The following SIM1 variants were observed in gnomAD, a reference collection of about 807,000 sequenced individuals.
SIM1 encodes the protein single-minded homolog 1.
Under a neutral mutation model 78.2 loss-of-function variants are expected in SIM1, and 18 were observed. The ratio of observed to expected loss-of-function variants is 0.23; its 90% CI spans 0.16 to 0.34. The LOEUF (loss-of-function observed/expected upper bound fraction) is 0.34. SIM1 is among the 10% of genes least tolerant of loss of function. The probability of loss-of-function intolerance (pLI) is 1.00; values close to 1 mark genes in which losing one functional copy is unlikely to be tolerated. For synonymous variants in SIM1, 417 were observed against 385.2 expected (o/e 1.08, Z -0.97); for missense variants, 939 against 975.1 (o/e 0.96, Z 0.49).
chr6:100,458,478 A>G (rs1408932395), intron 2 of SIM1, among the ~76,000 whole-genome samples: 2 of 152,150 alleles, frequency 1.3e-5, no homozygotes, highest in East Asian at 1.9e-4. Flanking sequence ...TAAGGTTTAG[A>G]CGACTGCTTG....
chr6:100,453,115 A>G (rs1047392963), intron 3 of SIM1, among the ~76,000 whole-genome samples: 2 of 152,230 alleles, frequency 1.3e-5, no homozygotes, highest in Non-Finnish European at 2.9e-5. Context: ...TAAGTAGGCA[A>G]AGAGCAAGTT....
At position 100,390,522 on chromosome 6, in the gene SIM1, T is replaced by C. The variant is rs757139012; in HGVS notation, c.2140A>G (p.Thr714Ala). The change falls in exon 12 of 12, where the codon ACT (threonine) becomes GCT (alanine). Residue 714 changes from threonine to alanine, a missense_variant. By Grantham distance (58) the Thr-to-Ala change is moderately conservative. This residue lies in a region of SIM1 where 556 missense variants were observed against 521.9 expected (regional missense o/e 1.07). Transcript: ENST00000369208. ...TATAAGTGCTCCAGGGCATATCCAG[T>C]TAATGTGTAAGCATGCTTGTCAAAA... ...QYFDKHAYTL[T>A]GYALEHLYDS... is the part of the protein sequence containing the mutation. 12 of 1,613,986 alleles carry C rather than the reference T, an allele frequency of 7.4e-6. No individual in the cohort carries two copies. The highest frequency in any genetic ancestry group is 1.0e-5 in the Non-Finnish European group (12 of 1,180,004).
chr6:100,415,543 T>G (rs1032329121), intron 10 of SIM1, among the ~76,000 whole-genome samples: 2 of 152,194 alleles, frequency 1.3e-5, no homozygotes, highest in Non-Finnish European at 2.9e-5. Flanking sequence ...TTTTGACCTC[T>G]CCTGTCCCAA....
intron 11 of SIM1, among the ~76,000 whole-genome samples, chr6:100,393,204 T>A (rs563521113): frequency 2.0e-5 from 3 of 152,346 alleles, no homozygotes; most frequent in Admixed American, 2.0e-4. Flanking sequence ...TGTAAATGCG[T>A]ACACACTACA....
chr6:100,400,989 A>C (rs1193493769), intron 10 of SIM1, among the ~76,000 whole-genome samples: 3 of 151,566 alleles, frequency 2.0e-5, no homozygotes, highest in Admixed American at 6.6e-5. Flanking sequence ...GGAAAAAAAA[A>C]CAGTTATACA....
In SIM1 at chr6:100,390,190, C is replaced by G; in HGVS notation, c.*171G>C. On this transcript the variant is annotated 3_prime_UTR_variant, in exon 12 of 12. Transcript: ENST00000369208. ...TTTAGCTCCCTTTTCTGTGTATAAC[C>G]CTGAATGCTAGTGCTATGTTTTCTT... 1 of 695,772 alleles carries G rather than the reference C, an allele frequency of 1.4e-6. No individual in the cohort carries two copies. The highest frequency in any genetic ancestry group is 2.0e-5 in the South Asian group (1 of 49,504). 43.1% of individuals were successfully genotyped at this position (695,772 alleles called of 1,614,324 possible).
chr6:100,424,018 A>C (rs1423301301), intron 9 of SIM1, among the ~76,000 whole-genome samples: 1 of 152,046 alleles, frequency 6.6e-6, no homozygotes, highest in African/African-American at 2.4e-5. Context: ...ATAAGCAGTG[A>C]ATAAACAAGG....
chr6:100,402,420 T>A (rs79745079), intron 10 of SIM1, among the ~76,000 whole-genome samples: 1,522 of 152,176 alleles, frequency 0.01, 27 homozygotes, highest in African/African-American at 0.035. Flanking sequence ...TACCAACAGT[T>A]TTTATCATTT....
In SIM1 at chr6:100,410,201, A is replaced by G. The variant is rs1297387214; in HGVS notation, c.1167+10589T>C. 2.6e-5 allele frequency among the ~76,000 whole-genome samples: 4 copies of G among 152,176 alleles called. No homozygotes were observed. The East Asian group carries it at 7.7e-4, about 29-fold the overall frequency. Reference sequence around the variant, plus strand: ...CCAAATGAGGCATTGCTCTCTTTAAATTTACTCTTTAGTTTTAATAATATT... The same window carrying G: ...CCAAATGAGGCATTGCTCTCTTTAAGTTTACTCTTTAGTTTTAATAATATT... On this transcript the variant is annotated intron_variant, in intron 10 of 11. Coordinates refer to ENST00000369208, the MANE Select transcript of SIM1 (RefSeq NM_005068.3).
rs2114457074 is a variant in SIM1 at position 100,390,209 on chromosome 6, T to C, written c.*152A>G. ...TATAACCCTGAATGCTAGTGCTATGTTTTCTTTGATTTTATAGGAACACGT... is the reference window on the plus strand; with the variant it reads ...TATAACCCTGAATGCTAGTGCTATGCTTTCTTTGATTTTATAGGAACACGT... On this transcript the variant is annotated 3_prime_UTR_variant, in exon 12 of 12. Coordinates refer to ENST00000369208, the MANE Select transcript of SIM1 (RefSeq NM_005068.3). 1.2e-6 allele frequency: 1 copy of C among 827,408 alleles called. No homozygotes were observed. The highest frequency in any genetic ancestry group is 2.8e-5 in the Admixed American group (1 of 35,882). The allele number at this position is 827,408 out of a possible 1,614,324, so 51.3% of individuals were successfully genotyped here. A position where few individuals can be genotyped will look rare whatever the true frequency, so the allele number is the denominator to read the frequency against.
chr6:100,402,567 C>CTCTCTTTTTT (rs1428516012), intron 10 of SIM1, among the ~76,000 whole-genome samples: 1 of 76,336 alleles, frequency 1.3e-5, no homozygotes, highest in Non-Finnish European at 2.6e-5. Context: ...TTTCTTTTCT[C>CTCTCTTTTTT]TTTTTTTTTT....
At chr6:100,416,770 A>C (rs1771411854) in intron 10 of SIM1, among the ~76,000 whole-genome samples, 1 of 152,158 alleles carries the variant, frequency 6.6e-6, no homozygotes. Context: ...TAATGATCAG[A>C]ATATATTTAT....
intron 9 of SIM1, among the ~76,000 whole-genome samples, chr6:100,438,082 G>A (rs188412417): frequency 2.6e-5 from 4 of 151,878 alleles, no homozygotes; most frequent in Admixed American, 2.6e-4. Context: ...GACCCCAAAA[G>A]CAAATGCAAC....
chr6:100,413,836 C>G (rs1164373290), intron 10 of SIM1, among the ~76,000 whole-genome samples: 3 of 152,158 alleles, frequency 2.0e-5, no homozygotes, highest in Non-Finnish European at 4.4e-5. Flanking sequence ...AGATAAACTG[C>G]ATTGGAAACA....
At chr6:100,428,662 T>TC (rs201281175) in intron 9 of SIM1, among the ~76,000 whole-genome samples, 31 of 142,090 alleles carry the variant, frequency 2.2e-4, no homozygotes, top group African/African-American at 8.0e-4. Flanking sequence ...AGCACACTAG[T>TC]CCCCGCCTTA....
intron 3 of SIM1, among the ~76,000 whole-genome samples, chr6:100,450,696 T>TCTCACACACACA (rs1421452803): frequency 1.8e-4 from 17 of 91,930 alleles, no homozygotes; most frequent in South Asian, 4.7e-4. Context: ...TCTCTCTCTC[T>TCTCACACACACA]CACACACACA....
At chr6:100,423,222 A>G (rs1771641200) in intron 9 of SIM1, among the ~76,000 whole-genome samples, 2 of 152,162 alleles carry the variant, frequency 1.3e-5, no homozygotes, top group Non-Finnish European at 1.5e-5. Context: ...CCCTTCATCT[A>G]CCCCTTGCTT....
chr6:100,436,680 A>G (rs1027374920), intron 9 of SIM1, among the ~76,000 whole-genome samples: 1 of 151,640 alleles, frequency 6.6e-6, no homozygotes, highest in Non-Finnish European at 1.5e-5. Flanking sequence ...TATTACCCGC[A>G]TCTTACAGGT....
intron 11 of SIM1, 97 bp from the exon 12 acceptor site, chr6:100,391,188 AT>A: frequency 1.6e-6 from 2 of 1,287,506 alleles, no homozygotes; most frequent in East Asian, 2.6e-5. Flanking sequence ...TATATCTTTC[AT>A]TTTTAATATA....
Sources: gnomAD v4.1 joint callset for allele counts (sites outside exome capture counted in the v4.1 genomes callset) on GRCh38, gnomAD v4.1.1 for gene constraint, gnomAD v4.1.1 regional missense constraint, MANE v1.5 for transcripts, NCBI Gene and HGNC (gene_info 2026-07-23, HGNC 2026-07-21) for gene names.